Variants in GABRR2 observed in about 807,000 individuals in gnomAD.
GABRR2 encodes gamma-aminobutyric acid receptor subunit rho-2.
Under a neutral mutation model 47.0 loss-of-function variants are expected in GABRR2, and 36 were observed. The ratio of observed to expected loss-of-function variants is 0.77; its 90% CI spans 0.59 to 1.01. The LOEUF (loss-of-function observed/expected upper bound fraction) is 1.01. GABRR2 is among the 50% of genes least tolerant of loss of function. The pLI is 0.00. For missense variants in GABRR2, 587 were observed against 594.6 expected, an observed-to-expected ratio of 0.99 and a Z score of 0.13; for synonymous variants, 204 against 227.5, an observed-to-expected ratio of 0.90 and a Z score of 0.93.
At chr6:89,292,717 G>T (rs1359236179) in intron 2 of GABRR2, among the ~76,000 whole-genome samples, 2 of 138,786 alleles carry the variant, frequency 1.4e-5, no homozygotes, top group Non-Finnish European at 3.1e-5. Context: ...ATATATATCA[G>T]ATATATATCG....
chr6:89,304,404 C>T (rs1313089101), intron 1 of GABRR2, among the ~76,000 whole-genome samples: 1 of 151,860 alleles, frequency 6.6e-6, no homozygotes, highest in Non-Finnish European at 1.5e-5. Flanking sequence ...ACCAGCCTGG[C>T]CAACATGATG....
At chr6:89,307,990 T>C (rs1210178054) in intron 1 of GABRR2, among the ~76,000 whole-genome samples, 3 of 152,116 alleles carry the variant, frequency 2.0e-5, no homozygotes, top group African/African-American at 7.2e-5. Context: ...CTAATTTTTG[T>C]ATTTTTAGTA....
At chr6:89,296,943 C>T (rs1774564937) in intron 2 of GABRR2, among the ~76,000 whole-genome samples, 1 of 152,212 alleles carries the variant, frequency 6.6e-6, no homozygotes, top group Admixed American at 6.5e-5. Context: ...ACTCCTTGGA[C>T]CCCAGGCTCT....
In GABRR2 at chr6:89,280,211, A is replaced by AATAT. The variant is rs35295435; in HGVS notation, c.221-8493_221-8490dup. Among the ~76,000 whole-genome samples the AATAT allele has an allele frequency of 3.0e-3, 331 of 110,220 alleles. 1 individual carries two copies. Among genetic ancestry groups the AATAT allele is most frequent in the African/African-American group, 6.8e-3 (184 of 27,084 alleles). 72.3% of individuals were successfully genotyped at this position (110,220 alleles called of 152,430 possible). On this transcript the variant is annotated intron_variant, in intron 2 of 8. Coordinates refer to ENST00000402938, the MANE Select transcript of GABRR2 (RefSeq NM_002043.5). Reference sequence around the variant, plus strand: ...ATGACAGAGACTTAGTCTAAAAACAAATATATATATATATATATATATATA... The same window carrying AATAT: ...ATGACAGAGACTTAGTCTAAAAACAAATATATATATATATATATATATATATATA...
intron 8 of GABRR2, among the ~76,000 whole-genome samples, chr6:89,261,908 G>A (rs894301618): frequency 1.3e-4 from 20 of 151,936 alleles, no homozygotes; most frequent in Non-Finnish European, 1.0e-4. Flanking sequence ...GCGGGGTGGC[G>A]CATGCTTAAG....
At chr6:89,281,095 T>C (rs1464162518) in intron 2 of GABRR2, among the ~76,000 whole-genome samples, 1 of 152,228 alleles carries the variant, frequency 6.6e-6, no homozygotes, top group African/African-American at 2.4e-5. Context: ...CTTCCATGTG[T>C]CAGTGCTTCC....
chr6:89,314,824 C>T lies in GABRR2; in HGVS notation c.113+229G>A, dbSNP rs557305663. 1.6e-4 allele frequency among the ~76,000 whole-genome samples: 24 copies of T among 152,302 alleles called. No homozygotes were observed. In the Middle Eastern group the frequency reaches 0.01, roughly 65 times the overall value. ...CTCAAATCAAAATGCTTTGGCTGAA[C>T]GCAGGCATCCGAAGGAAGGCTCATC... On this transcript the variant is annotated intron_variant, in intron 1 of 8. Transcript: ENST00000402938.
chr6:89,271,602 A>G, intron 3 of GABRR2, 53 bp downstream of exon 3: 1 of 1,489,526 alleles, frequency 6.7e-7, no homozygotes, highest in Non-Finnish European at 9.3e-7. Context: ...TGCACCACCG[A>G]GGCCCACTAC....
At chr6:89,283,280 T>A (rs963961251) in intron 2 of GABRR2, among the ~76,000 whole-genome samples, 5 of 152,184 alleles carry the variant, frequency 3.3e-5, no homozygotes, top group African/African-American at 1.2e-4. Flanking sequence ...TTTCCATATC[T>A]ATTTAGAGAA....
intron 2 of GABRR2, among the ~76,000 whole-genome samples, chr6:89,296,742 G>A (rs1774560944): frequency 1.3e-5 from 2 of 152,274 alleles, no homozygotes; most frequent in South Asian, 4.1e-4. Flanking sequence ...GGAAGGAGCA[G>A]CGTGATGGGG....
chr6:89,296,414 C>T (rs1199063420), intron 2 of GABRR2, among the ~76,000 whole-genome samples: 2 of 152,212 alleles, frequency 1.3e-5, no homozygotes, highest in Non-Finnish European at 2.9e-5. Flanking sequence ...ATCCAAGTGA[C>T]ATCTGGGCAT....
chr6:89,258,888 TGAATG>T (rs1773674153), intron 8 of GABRR2, among the ~76,000 whole-genome samples: 1 of 146,030 alleles, frequency 6.8e-6, no homozygotes, highest in Non-Finnish European at 1.5e-5. Context: ...TATTATGCAT[TGAATG>T]CATAATACAT....
At chr6:89,288,087 G>A (rs904633503) in intron 2 of GABRR2, among the ~76,000 whole-genome samples, 9 of 152,160 alleles carry the variant, frequency 5.9e-5, no homozygotes, top group African/African-American at 2.2e-4. Context: ...CAAGAGATGA[G>A]GTTTAGTTCC....
At chr6:89,299,941 C>A in intron 1 of GABRR2, 76 bp from the exon 2 acceptor site, 1 of 935,610 alleles carries the variant, frequency 1.1e-6, no homozygotes. Flanking sequence ...CTATTACTCC[C>A]TGCAAGATCT....
At chr6:89,312,278 G>A (rs1217997605) in intron 1 of GABRR2, among the ~76,000 whole-genome samples, 1 of 152,226 alleles carries the variant, frequency 6.6e-6, no homozygotes, top group Non-Finnish European at 1.5e-5. Flanking sequence ...ACCAATAACA[G>A]CCAAGAGGAA....
intron 2 of GABRR2, among the ~76,000 whole-genome samples, chr6:89,283,008 A>G (rs1014220820): frequency 2.0e-5 from 3 of 152,250 alleles, no homozygotes; most frequent in African/African-American, 7.2e-5. Flanking sequence ...CTCAAAGCCC[A>G]GAGACTTTCA....
At chr6:89,314,089 G>GA (rs1335561893) in intron 1 of GABRR2, among the ~76,000 whole-genome samples, 2 of 148,358 alleles carry the variant, frequency 1.3e-5, no homozygotes, top group East Asian at 4.0e-4. Context: ...AACAGCACAT[G>GA]TATGTGATTT....
intron 2 of GABRR2, among the ~76,000 whole-genome samples, chr6:89,286,915 G>A (rs1043797478): frequency 6.6e-6 from 1 of 152,186 alleles, no homozygotes; most frequent in African/African-American, 2.4e-5. Flanking sequence ...GCCCGAGGGA[G>A]CCCCAGAAGA....
chr6:89,302,110 G>A lies in GABRR2; in HGVS notation c.114-2245C>T, dbSNP rs1172169425. The A allele has an allele frequency of 1.1e-5, 7 of 619,454 alleles. No homozygotes were observed. The East Asian group carries it at 1.6e-4, about 14-fold the overall frequency. 38.4% of individuals were successfully genotyped at this position (619,454 alleles called of 1,614,324 possible). The stretch of plus-strand genomic sequence containing the variant: ...CCAGGGGTCACTACACGGAGGGTGC[G>A]GAGCTGGTGGATTCCCTCCTGGATG... On this transcript the variant is annotated intron_variant, in intron 1 of 8. Coordinates refer to ENST00000402938, the MANE Select transcript of GABRR2 (RefSeq NM_002043.5).
Sources: gnomAD v4.1 joint callset for allele counts (sites outside exome capture counted in the v4.1 genomes callset) on GRCh38, gnomAD v4.1.1 for gene constraint, MANE v1.5 for transcripts, NCBI Gene and HGNC (gene_info 2026-07-23, HGNC 2026-07-21) for gene names.